The following USP2 variants were observed in gnomAD, a reference collection of about 807,000 sequenced individuals.
USP2 encodes the protein ubiquitin specific peptidase 2.
Under a neutral mutation model 72.0 loss-of-function variants are expected in USP2, and 33 were observed. That is an observed-to-expected ratio of 0.46 (90% CI 0.35 to 0.61). The LOEUF (loss-of-function observed/expected upper bound fraction) is 0.61, where lower values mean the gene tolerates loss of function less well. USP2 is among the 20% of genes least tolerant of loss of function. The pLI, the probability that USP2 is intolerant of heterozygous loss-of-function variation, is 0.01. For missense variants in USP2, 691 were observed against 797.8 expected (o/e 0.87, Z 1.61); for synonymous variants, 296 against 312.5 (o/e 0.95, Z 0.56).
In USP2 at chr11:119,360,215, C is replaced by T; in HGVS notation, c.794G>A (p.Gly265Asp). ...RDGMNSKSAQ[G>D]LAGLRNLGNT... ...CCCAAGGTTTCGAAGACCAGCCAGA[C>T]CCTGGGCACTCTTAGAATTCTGTAA... Residue 265 changes from glycine (G) to aspartate (D), a missense_variant, in exon 3 of 13, where the codon GGT becomes GAT. By Grantham distance (94) the Gly-to-Asp change is moderately conservative. Coordinates refer to ENST00000260187, the MANE Select transcript of USP2 (RefSeq NM_004205.5). The T allele has an allele frequency of 6.2e-7, 1 of 1,614,004 alleles. No homozygotes were observed. The highest frequency in any genetic ancestry group is 8.5e-7 in the Non-Finnish European group (1 of 1,179,990).
At chr11:119,357,397 T>A in intron 11 of USP2, 86 bp downstream of exon 11, 1 of 1,547,018 alleles carries the variant, frequency 6.5e-7, no homozygotes, top group Admixed American at 1.7e-5. Context: ...CAGTAGCTGG[T>A]GCTGGCAGCT....
chr11:119,358,105 G>T, intron 8 of USP2, 44 bp from the exon 9 acceptor site: 1 of 1,614,108 alleles, frequency 6.2e-7, no homozygotes, highest in East Asian at 2.2e-5. Context: ...AACATGAAAG[G>T]ACAGGAGAGG....
At chr11:119,358,939 C>T in intron 6 of USP2, 85 bp downstream of exon 6, 5 of 1,587,682 alleles carry the variant, frequency 3.1e-6, no homozygotes, top group Non-Finnish European at 4.3e-6. Flanking sequence ...TCAGATTATT[C>T]CCAAATCATT....
At chr11:119,375,928 C>A (rs1024465481) in intron 1 of USP2, among the ~76,000 whole-genome samples, 34 of 152,170 alleles carry the variant, frequency 2.2e-4, no homozygotes, top group African/African-American at 8.2e-4. Context: ...ATCTCTGGCC[C>A]ACAGATTCCC....
rs142496697 is a variant in USP2, at chr11:119,373,323, G to A, written c.158C>T (p.Pro53Leu). The part of the protein sequence containing the change: ...LLEKEKLGFK[P>L]VPTSSFLTRP... ...GGTGAGGAAGCTGCTGGTGGGGACCGGCTTGAAACCAAGTTTCTCCTTCTC... is the reference window on the plus strand; with the variant it reads ...GGTGAGGAAGCTGCTGGTGGGGACCAGCTTGAAACCAAGTTTCTCCTTCTC... The change falls in exon 2 of 13, where the codon CCG becomes CTG. Residue 53 changes from proline to leucine, a missense_variant. Pro to Leu is a moderately conservative substitution (Grantham distance 98). Coordinates refer to ENST00000260187, the MANE Select transcript of USP2 (RefSeq NM_004205.5). 3.3e-4 allele frequency: 537 copies of A among 1,613,370 alleles called. 7 individuals carry two copies. In the African/African-American group the frequency reaches 5.6e-3, roughly 17 times the overall value.
Position 119,356,658 on chromosome 11 carries a change from G to C in USP2, c.*177C>G. On this transcript the variant is annotated 3_prime_UTR_variant, in exon 13 of 13. Transcript: ENST00000260187. Reference sequence around the variant, plus strand: ...CCCTGCCGGGCCACAGCTCAGGAAAGCCCGGCTCCTTGCTCCAGACCCTGA... The same window carrying C: ...CCCTGCCGGGCCACAGCTCAGGAAACCCCGGCTCCTTGCTCCAGACCCTGA... 2 of 641,538 alleles carry C rather than the reference G, an allele frequency of 3.1e-6. No individual in the cohort carries two copies. The highest frequency in any genetic ancestry group is 5.2e-6 in the Non-Finnish European group (2 of 382,366). 39.7% of individuals were successfully genotyped at this position (641,538 alleles called of 1,614,324 possible).
rs45580938 is a variant in USP2, at chr11:119,379,182, C to T, written c.-42+2291G>A. On this transcript the variant is annotated intron_variant, in intron 1 of 12. Coordinates refer to ENST00000260187, the MANE Select transcript of USP2 (RefSeq NM_004205.5). The stretch of plus-strand genomic sequence containing the variant: ...TGACCTCGCAGACTCGCAGAGATGG[C>T]GAGTGCAACTCACTTGCATTCCAAG... The T allele has an allele frequency of 6.3e-5, 62 of 985,408 alleles. No individual in the cohort carries two copies. The Admixed American group carries it at 1.4e-3, about 21-fold the overall frequency. The allele number at this position is 985,408 out of a possible 1,614,324, so 61.0% of individuals were successfully genotyped here.
rs573127386 is a variant in USP2, at chr11:119,357,426, C to T, written c.1609+57G>A. ...GGCAGCTCCCCTTCCTCCTGCCCTC[C>T]CTCCGGCCTTGCACACCTGCGTCTT... On this transcript the variant is annotated intron_variant, in intron 11 of 12. Coordinates refer to ENST00000260187, the MANE Select transcript of USP2 (RefSeq NM_004205.5). 7 of 1,612,376 alleles carry T rather than the reference C, an allele frequency of 4.3e-6. No homozygotes were observed. In the South Asian group the frequency reaches 4.4e-5, roughly 10 times the overall value.
Position 119,356,742 on chromosome 11 carries a change from G to A in USP2, c.*93C>T. On this transcript the variant is annotated 3_prime_UTR_variant, in exon 13 of 13. Transcript: ENST00000260187. The stretch of plus-strand genomic sequence containing the variant: ...GGTTTGTTTTTCTCTTGTCAGGTTT[G>A]TGTGTTGTTGTTGTTGTTTTGTTTT... 7.9e-7 allele frequency: 1 copy of A among 1,260,808 alleles called. No individual in the cohort carries two copies. The highest frequency in any genetic ancestry group is 2.5e-5 in the Admixed American group (1 of 39,666). The allele number at this position is 1,260,808 out of a possible 1,614,324, so 78.1% of individuals were successfully genotyped here.
chr11:119,358,021 A>G lies in USP2; in HGVS notation c.1382T>C (p.Leu461Pro). The change falls in exon 9 of 13, where the codon CTC becomes CCC. Residue 461 changes from leucine (L) to proline (P), a missense_variant. By Grantham distance (98) the Leu-to-Pro change is moderately conservative (BLOSUM62 -3). Transcript: ENST00000260187. The part of the protein sequence containing the change: ...PEVTLMDCMR[L>P]FTKEDVLDGD... ...ATCAAGCACATCCTCTTTGGTGAAG[A>G]GCCTCATGCAGTCCATTAATGTCAC... The G allele has an allele frequency of 4.3e-6, 7 of 1,614,178 alleles. No individual in the cohort carries two copies. The highest frequency in any genetic ancestry group is 5.9e-6 in the Non-Finnish European group (7 of 1,180,038).
chr11:119,362,561 C>G (rs1236736523), intron 2 of USP2, among the ~76,000 whole-genome samples: 1 of 152,184 alleles, frequency 6.6e-6, no homozygotes, highest in East Asian at 1.9e-4. Context: ...CCATGCCCAG[C>G]CAGATATTCT....
At chr11:119,379,470 A>G in intron 1 of USP2, 1 of 282,634 alleles carries the variant, frequency 3.5e-6, no homozygotes, top group Non-Finnish European at 5.3e-6. Flanking sequence ...AGTTAGCCCC[A>G]CTCTTAATTT....
At chr11:119,376,042 C>G (rs1950996529) in intron 1 of USP2, among the ~76,000 whole-genome samples, 1 of 152,254 alleles carries the variant, frequency 6.6e-6, no homozygotes, top group Admixed American at 6.5e-5. Context: ...CACTAATACT[C>G]CATGGAAGCT....
At chr11:119,359,505 T>G in intron 4 of USP2, 32 bp downstream of exon 4, 1 of 1,611,600 alleles carries the variant, frequency 6.2e-7, no homozygotes, top group Non-Finnish European at 8.5e-7. Flanking sequence ...CATCCGGGGG[T>G]AGGCAGGGGC....
rs1276838196 is a variant in USP2 at position 119,373,022 on chromosome 11, G to T, written c.459C>A (p.Leu153=). 3.7e-6 allele frequency: 6 copies of T among 1,613,742 alleles called. No homozygotes were observed. Among genetic ancestry groups the T allele is most frequent in the African/African-American group, 1.3e-5 (1 of 74,932 alleles). The part of the protein sequence containing the change: ...QSDLARDFSS[L]RTSDSYRIDP... Reference sequence around the variant, plus strand: ...CTATCCGGTAGCTATCTGAGGTCCGGAGGCTGGAGAAATCCCGGGCCAGGT... The same window carrying T: ...CTATCCGGTAGCTATCTGAGGTCCGTAGGCTGGAGAAATCCCGGGCCAGGT... The change falls in exon 2 of 13, where the codon CTC becomes CTA. Residue 153 remains leucine (L), a synonymous_variant. Transcript: ENST00000260187.
At chr11:119,363,834 A>G in intron 2 of USP2, 1 of 1,392,598 alleles carries the variant, frequency 7.2e-7, no homozygotes, top group Non-Finnish European at 9.4e-7. Context: ...GGGTCCCGGA[A>G]AAGGGCCCGC....
At chr11:119,381,425 A>G (rs561902287) in intron 1 of USP2, 48 bp downstream of exon 1, 110 of 1,530,426 alleles carry the variant, frequency 7.2e-5, no homozygotes, top group Non-Finnish European at 9.5e-5. Context: ...CCAAACCGGC[A>G]CTGATCCCCG....
Position 119,373,076 on chromosome 11 carries a change from G to A in USP2, c.405C>T (p.Thr135=). 1 of 1,614,034 alleles carries A rather than the reference G, an allele frequency of 6.2e-7. No individual in the cohort carries two copies. The highest frequency in any genetic ancestry group is 1.1e-5 in the South Asian group (1 of 91,090). The part of the protein sequence containing the change: ...LPINAYDQGV[T]LTQKLDSQSD... Reference sequence around the variant, plus strand: ...ATTGGCTGTCCAGCTTCTGGGTTAGGGTCACCCCCTGGTCATAGGCATTGA... The same window carrying A: ...ATTGGCTGTCCAGCTTCTGGGTTAGAGTCACCCCCTGGTCATAGGCATTGA... Residue 135 remains threonine, a synonymous_variant, in exon 2 of 13, where the codon ACC becomes ACT. Transcript: ENST00000260187.
chr11:119,364,238 G>A, intron 2 of USP2: 9 of 1,058,552 alleles, frequency 8.5e-6, no homozygotes, highest in Non-Finnish European at 1.0e-5. Context: ...CGGGCCCCGC[G>A]ACGTCAGCGC....
Sources: allele counts gnomAD v4.1 joint callset (sites outside exome capture counted in the v4.1 genomes callset), GRCh38; gene constraint gnomAD v4.1.1; transcripts MANE v1.5; gene names NCBI Gene and HGNC (gene_info 2026-07-23, HGNC 2026-07-21).